Variants in RADIL observed in about 807,000 individuals in gnomAD.
The protein encoded by RADIL is ras-associating and dilute domain-containing protein.
In RADIL, 99 loss-of-function variants were observed where a neutral mutation model predicts 97.6. The observed-to-expected ratio is 1.01, with a 90% CI of 0.86 to 1.20. RADIL has a LOEUF of 1.20. RADIL is among the 50% of genes most tolerant of loss of function. The pLI, the probability that RADIL is intolerant of heterozygous loss-of-function variation, is 0.00. For synonymous variants in RADIL, 803 were observed against 691.8 expected (o/e 1.16, Z -2.52); for missense variants, 1,765 against 1,498.9 (o/e 1.18, Z -2.93).
chr7:4,877,518 C>T, intron 2 of RADIL, 87 bp downstream of exon 2: 1 of 1,449,982 alleles, frequency 6.9e-7, no homozygotes, highest in Non-Finnish European at 9.3e-7. Flanking sequence ...CACGCATGTC[C>T]CCTGCACCAC....
At chr7:4,806,703 C>A (rs1782320816) in intron 9 of RADIL, among the ~76,000 whole-genome samples, 1 of 152,192 alleles carries the variant, frequency 6.6e-6, no homozygotes, top group African/African-American at 2.4e-5. Context: ...TAGTAGCTTC[C>A]CAAAAGGGGC....
At chr7:4,871,370 G>A (rs768422117) in intron 2 of RADIL, among the ~76,000 whole-genome samples, 32 of 152,232 alleles carry the variant, frequency 2.1e-4, no homozygotes, top group Non-Finnish European at 2.8e-4. Context: ...ACGGCACCCC[G>A]TCGGCAGAGG....
At chr7:4,828,229 G>A (rs758788906) in intron 5 of RADIL, among the ~76,000 whole-genome samples, 76 of 152,218 alleles carry the variant, frequency 5.0e-4, no homozygotes, top group Non-Finnish European at 2.9e-4. Flanking sequence ...AGGCTGAGGC[G>A]GGAGGACTGC....
At chr7:4,859,762 G>T in intron 2 of RADIL, 1 of 621,624 alleles carries the variant, frequency 1.6e-6, no homozygotes, top group South Asian at 2.0e-5. Flanking sequence ...TGTTCCCTGA[G>T]AGGCCAATAG....
rs980837634 is a variant in RADIL at position 4,818,934 on chromosome 7, G to A, written c.1616-1583C>T. 3.9e-5 allele frequency among the ~76,000 whole-genome samples: 6 copies of A among 151,958 alleles called. No individual in the cohort carries two copies. The highest frequency in any genetic ancestry group is 8.8e-5 in the Non-Finnish European group (6 of 67,968). ...CATTTCTTCTTTTATTTAATTTTTG[G>A]TAGAGATGGGATCTCACTATGTTGC... On this transcript the variant is annotated intron_variant, in intron 6 of 14. Transcript: ENST00000399583. This position sits in a 1 kb window ranked among gnomAD's most constrained non-coding sequence, Gnocchi z 7.1.
intron 2 of RADIL, among the ~76,000 whole-genome samples, chr7:4,839,175 GCA>G (rs753447310): frequency 1.8e-4 from 27 of 152,304 alleles, no homozygotes; most frequent in South Asian, 4.1e-4. Flanking sequence ...TTTTTTAAAA[GCA>G]CCTAAAACAC....
At chr7:4,831,004 G>C (rs995941727) in intron 5 of RADIL, among the ~76,000 whole-genome samples, 2 of 149,668 alleles carry the variant, frequency 1.3e-5, no homozygotes, top group African/African-American at 5.0e-5. Context: ...CTGGGCGACA[G>C]AGCGAGATGC....
At chr7:4,810,686 T>C (rs1367026620) in intron 9 of RADIL, among the ~76,000 whole-genome samples, 1 of 152,224 alleles carries the variant, frequency 6.6e-6, no homozygotes, top group South Asian at 2.1e-4. Flanking sequence ...GCACATGCAC[T>C]CGGTCAGCTT....
At position 4,818,609 on chromosome 7, in the gene RADIL, G is replaced by C. The variant is rs115010828; in HGVS notation, c.1616-1258C>G. ...ACTGTGCCCAGAAGCCTCCAGGCCT[G>C]TGGAGACACACAAGGTGGCCCGACG... is the stretch of plus-strand genomic sequence containing the variant. On this transcript the variant is annotated intron_variant, in intron 6 of 14. Transcript: ENST00000399583. The surrounding 1 kb of genome is among the most constrained non-coding windows in gnomAD (Gnocchi z 7.1). 0.03 allele frequency among the ~76,000 whole-genome samples: 4,594 copies of C among 152,328 alleles called. 229 individuals carry two copies. Among genetic ancestry groups the C allele is most frequent in the African/African-American group, 0.1 (4,274 of 41,566 alleles).
intron 2 of RADIL, among the ~76,000 whole-genome samples, chr7:4,868,835 C>A (rs939323364): frequency 1.3e-5 from 2 of 151,844 alleles, no homozygotes; most frequent in Admixed American, 1.3e-4. Flanking sequence ...CAAAACAAAA[C>A]AAAAAAACAG....
chr7:4,823,331 C>CT (rs60439750), intron 5 of RADIL, among the ~76,000 whole-genome samples: 1,776 of 129,550 alleles, frequency 0.014, 25 homozygotes, highest in African/African-American at 0.033. Flanking sequence ...TATTAAAAAC[C>CT]TTTTTTTTTT....
chr7:4,807,169 T>C (rs1389355147), intron 9 of RADIL, among the ~76,000 whole-genome samples: 1 of 152,054 alleles, frequency 6.6e-6, no homozygotes, highest in African/African-American at 2.4e-5. Context: ...CCCATGTGTT[T>C]TTCTGCCCAT....
intron 2 of RADIL, chr7:4,861,936 A>C (rs1052415280): frequency 7.8e-6 from 4 of 511,458 alleles, no homozygotes; most frequent in Admixed American, 4.0e-5. Context: ...CCCCACTCCC[A>C]CTCCCGCTGC....
At chr7:4,799,841 C>T in intron 13 of RADIL, 72 bp from the exon 14 acceptor site, 1 of 1,436,592 alleles carries the variant, frequency 7.0e-7, no homozygotes, top group Non-Finnish European at 9.1e-7. Context: ...ACTGCAGCCC[C>T]TCCCTTGGCA....
intron 2 of RADIL, among the ~76,000 whole-genome samples, chr7:4,863,103 C>G (rs535236577): frequency 5.9e-5 from 9 of 152,198 alleles, no homozygotes; most frequent in African/African-American, 2.2e-4. Context: ...TCCTCCATGT[C>G]TCTTAAGCCG....
Position 4,798,014 on chromosome 7 carries a change from A to G in RADIL, c.*1364T>C, listed in dbSNP as rs1781968148. 6.7e-6 allele frequency: 1 copy of G among 148,202 alleles called. No homozygotes were observed. Among genetic ancestry groups the G allele is most frequent in the South Asian group, 2.1e-4 (1 of 4,810 alleles). The allele number at this position is 148,202 out of a possible 1,614,324, so 9.2% of individuals were successfully genotyped here. On this transcript the variant is annotated 3_prime_UTR_variant, in exon 15 of 15. Coordinates refer to ENST00000399583, the MANE Select transcript of RADIL (RefSeq NM_018059.5). Reference sequence around the variant, plus strand: ...ATATTTATATTTTATATAATAAAATATAAAAAATGTTTATAAAATATACGA... The same window carrying G: ...ATATTTATATTTTATATAATAAAATGTAAAAAATGTTTATAAAATATACGA...
At chr7:4,809,653 CTTATT>C (rs1782479946) in intron 9 of RADIL, 35 of 888,332 alleles carry the variant, frequency 3.9e-5, no homozygotes, top group Non-Finnish European at 4.6e-5. Flanking sequence ...TATTTTACAT[CTTATT>C]TTATTTATTT....
chr7:4,815,875 G>A lies in RADIL; in HGVS notation c.1966+353C>T, dbSNP rs527920389. 1.2e-3 allele frequency among the ~76,000 whole-genome samples: 184 copies of A among 152,318 alleles called. 3 individuals carry two copies. The highest frequency in any genetic ancestry group is 4.1e-3 in the South Asian group (20 of 4,826). On this transcript the variant is annotated intron_variant, in intron 8 of 14. Coordinates refer to ENST00000399583, the MANE Select transcript of RADIL (RefSeq NM_018059.5). The surrounding 1 kb of genome is among the most constrained non-coding windows in gnomAD (Gnocchi z 8.0). ...GGCAGGGTCCAAGGCCAGAGTCCGC[G>A]GCTGCACAGACCTGGGTTCCATCCT...
intron 5 of RADIL, among the ~76,000 whole-genome samples, chr7:4,827,626 A>G (rs1367460075): frequency 6.6e-6 from 1 of 152,172 alleles, no homozygotes; most frequent in Non-Finnish European, 1.5e-5. Context: ...GTGCCACTGT[A>G]CTCCAGCCTG....
Sources: allele counts gnomAD v4.1 joint callset (sites outside exome capture counted in the v4.1 genomes callset), GRCh38; gene constraint gnomAD v4.1.1; non-coding constraint Gnocchi (gnomAD v3.1); transcripts MANE v1.5; gene names NCBI Gene and HGNC (gene_info 2026-07-23, HGNC 2026-07-21).